Variants in CTIF observed in about 807,000 individuals in gnomAD.
CTIF encodes cap binding complex dependent translation initiation factor, also known as CBP80/20-dependent translation initiation factor.
In CTIF, 21 loss-of-function variants were observed where a neutral mutation model predicts 66.0. That is an observed-to-expected ratio of 0.32 (90% CI 0.23 to 0.46). The LOEUF is 0.46. Among genes scored for constraint, CTIF ranks in the 20% least tolerant of loss-of-function variants. The pLI is 1.00. For synonymous variants in CTIF, 345 were observed against 326.4 expected, an observed-to-expected ratio of 1.06 and a Z score of -0.62; for missense variants, 739 against 812.7, an observed-to-expected ratio of 0.91 and a Z score of 1.10.
intron 9 of CTIF, among the ~76,000 whole-genome samples, chr18:48,769,153 T>C (rs1221485325): frequency 6.6e-6 from 1 of 152,180 alleles, no homozygotes; most frequent in Non-Finnish European, 1.5e-5. Context: ...CCCTCATTTC[T>C]GCACACCCAC....
chr18:48,587,369 C>T (rs998895230), intron 1 of CTIF, among the ~76,000 whole-genome samples: 43 of 152,248 alleles, frequency 2.8e-4, no homozygotes, highest in African/African-American at 9.4e-4. Context: ...CATGAGCCAC[C>T]GCGCCTGGCT....
At chr18:48,644,830 C>T (rs935585383) in intron 3 of CTIF, among the ~76,000 whole-genome samples, 15 of 152,284 alleles carry the variant, frequency 9.9e-5, no homozygotes, top group African/African-American at 1.9e-4. Context: ...AAGTGGGAGC[C>T]GCCATGATGT....
At chr18:48,724,789 C>T (rs2092371933) in intron 7 of CTIF, among the ~76,000 whole-genome samples, 1 of 152,200 alleles carries the variant, frequency 6.6e-6, no homozygotes, top group African/African-American at 2.4e-5. Flanking sequence ...GAGGGCAAGC[C>T]CCGGGATCCT....
chr18:48,775,086 A>G (rs1252676290), intron 9 of CTIF, among the ~76,000 whole-genome samples: 1 of 152,218 alleles, frequency 6.6e-6, no homozygotes, highest in East Asian at 1.9e-4. Context: ...CTGTGGCATA[A>G]GAAATAACTC....
chr18:48,761,780 A>T lies in CTIF; in HGVS notation c.1371+91A>T. On this transcript the variant is annotated intron_variant, in intron 9 of 11. Transcript: ENST00000256413. This position sits in a 1 kb window ranked among gnomAD's most constrained non-coding sequence, Gnocchi z 4.2. ...AGCGAGAAGGCTGCGAGTTCTGGCC[A>T]CAGTTGGACTTTTCCCAAGTTCCGC... 7.7e-7 allele frequency: 1 copy of T among 1,300,118 alleles called. No individual in the cohort carries two copies. The highest frequency in any genetic ancestry group is 1.1e-6 in the Non-Finnish European group (1 of 944,034). The allele number at this position is 1,300,118 out of a possible 1,614,324, so 80.5% of individuals were successfully genotyped here. A position where few individuals can be genotyped will look rare whatever the true frequency, so the allele number is the denominator to read the frequency against.
At chr18:48,547,135 C>T (rs1012040567) in intron 1 of CTIF, among the ~76,000 whole-genome samples, 1 of 152,100 alleles carries the variant, frequency 6.6e-6, no homozygotes, top group African/African-American at 2.4e-5. Flanking sequence ...AGGTGCCCCT[C>T]GGTAGGAACC....
chr18:48,762,905 T>G (rs1047995366), intron 9 of CTIF, among the ~76,000 whole-genome samples: 1 of 152,192 alleles, frequency 6.6e-6, no homozygotes, highest in Non-Finnish European at 1.5e-5. Context: ...CTCCTCTGCA[T>G]GTGAGTTGCA....
intron 9 of CTIF, among the ~76,000 whole-genome samples, chr18:48,772,623 A>G (rs1910281114): frequency 6.6e-6 from 1 of 150,722 alleles, no homozygotes; most frequent in South Asian, 2.1e-4. Context: ...GGCTTATTTC[A>G]CTTCACATCA....
intron 1 of CTIF, among the ~76,000 whole-genome samples, chr18:48,547,016 G>A (rs2088768026): frequency 6.6e-6 from 1 of 152,214 alleles, no homozygotes; most frequent in Admixed American, 6.5e-5. Context: ...TCAGGGGCCT[G>A]GGGAGAGTCT....
At chr18:48,800,408 G>A (rs1156290814) in intron 9 of CTIF, among the ~76,000 whole-genome samples, 1 of 152,172 alleles carries the variant, frequency 6.6e-6, no homozygotes, top group South Asian at 2.1e-4. Context: ...AGGGCCAGCC[G>A]GAACATCTGC....
intron 2 of CTIF, among the ~76,000 whole-genome samples, chr18:48,635,667 T>G (rs2090806990): frequency 6.6e-6 from 1 of 152,150 alleles, no homozygotes; most frequent in South Asian, 2.1e-4. Context: ...AAGGTCAATA[T>G]TCAACAACTT....
Position 48,861,134 on chromosome 18 carries a change from G to A in CTIF, c.*1575G>A, listed in dbSNP as rs890376954. On this transcript the variant is annotated 3_prime_UTR_variant, in exon 12 of 12. Transcript: ENST00000256413. Reference sequence around the variant, plus strand: ...AAGGTTCTCGTGATTGATTGATTCTGAGTCTGAGAGTGGCGAGTGGGGAGA... The same window carrying A: ...AAGGTTCTCGTGATTGATTGATTCTAAGTCTGAGAGTGGCGAGTGGGGAGA... 2 of 152,398 alleles carry A rather than the reference G, an allele frequency of 1.3e-5. No homozygotes were observed. The highest frequency in any genetic ancestry group is 4.8e-5 in the African/African-American group (2 of 41,424). The allele number at this position is 152,398 out of a possible 1,614,324, so 9.4% of individuals were successfully genotyped here.
rs377029382 is a variant in CTIF at position 48,758,386 on chromosome 18, G to T, written c.1052G>T (p.Arg351Leu). The T allele has an allele frequency of 6.3e-7, 1 of 1,591,410 alleles. No individual in the cohort carries two copies. The highest frequency in any genetic ancestry group is 8.6e-7 in the Non-Finnish European group (1 of 1,168,806). Residue 351 changes from arginine (R) to leucine (L), a missense_variant, in exon 8 of 12, where the codon CGG (arginine) becomes CTG (leucine). By Grantham distance (102) the Arg-to-Leu change is moderately radical (BLOSUM62 -2). Around this residue, in one of 2 missense-constraint regions of CTIF, gnomAD observed 529 missense variants for 520.3 expected, o/e 1.02. Transcript: ENST00000256413. ...CTCCAGTCTTCCAAAGACAGACTGC[G>T]GCGAAGGCTAAAGGAAAAGGTACCG... Reference protein sequence around the residue: ...TLLQSSKDRLRRRLKEKDEVA... With the variant: ...TLLQSSKDRLLRRLKEKDEVA...
At chr18:48,778,600 C>T (rs1026080599) in intron 9 of CTIF, among the ~76,000 whole-genome samples, 2 of 152,030 alleles carry the variant, frequency 1.3e-5, no homozygotes, top group African/African-American at 4.8e-5. Context: ...CACCCCATTT[C>T]TGATTTCTAC....
intron 1 of CTIF, among the ~76,000 whole-genome samples, chr18:48,545,872 T>A (rs1478668232): frequency 2.6e-5 from 4 of 152,192 alleles, no homozygotes; most frequent in Admixed American, 2.0e-4. Context: ...TAATCCTTTG[T>A]CATGCCGGCC....
At chr18:48,582,861 G>A (rs1302818375) in intron 1 of CTIF, among the ~76,000 whole-genome samples, 2 of 152,158 alleles carry the variant, frequency 1.3e-5, no homozygotes, top group South Asian at 2.1e-4. Flanking sequence ...TCTAGTGAGG[G>A]GCAGAGCCTG....
intron 1 of CTIF, among the ~76,000 whole-genome samples, chr18:48,542,161 G>C (rs371053671): frequency 3.3e-5 from 5 of 152,318 alleles, no homozygotes; most frequent in Non-Finnish European, 5.9e-5. Flanking sequence ...ACTAAAGAAC[G>C]GAAGTCTGCA....
At chr18:48,691,824 C>T (rs1228446508) in intron 6 of CTIF, among the ~76,000 whole-genome samples, 1 of 152,192 alleles carries the variant, frequency 6.6e-6, no homozygotes, top group East Asian at 1.9e-4. Flanking sequence ...TCTTATCCTC[C>T]ACCGCCCCTC....
chr18:48,608,372 T>G (rs185915485), intron 1 of CTIF, among the ~76,000 whole-genome samples: 84 of 152,284 alleles, frequency 5.5e-4, no homozygotes, highest in Middle Eastern at 3.4e-3. Context: ...TTAAAATATC[T>G]AACTGGCTAA....
Sources: gnomAD v4.1 joint callset for allele counts (sites outside exome capture counted in the v4.1 genomes callset) on GRCh38, gnomAD v4.1.1 for gene constraint, gnomAD v4.1.1 regional missense constraint, Gnocchi (gnomAD v3.1) non-coding constraint, MANE v1.5 for transcripts, NCBI Gene and HGNC (gene_info 2026-07-23, HGNC 2026-07-21) for gene names.